Variants in FAM168A observed in about 807,000 individuals in gnomAD.
The protein encoded by FAM168A is family with sequence similarity 168 member A, also known as protein FAM168A.
Under a neutral mutation model 28.5 loss-of-function variants are expected in FAM168A, and 3 were observed. That is an observed-to-expected ratio of 0.11 (90% CI 0.05 to 0.27). The LOEUF (loss-of-function observed/expected upper bound fraction) is 0.27, where lower values mean the gene tolerates loss of function less well. Ranked by LOEUF, FAM168A falls within the 10% of genes least tolerant of loss-of-function variation. The pLI, the probability that FAM168A is intolerant of heterozygous loss-of-function variation, is 1.00. For synonymous variants in FAM168A, 122 were observed against 124.2 expected (o/e 0.98, Z 0.12); for missense variants, 222 against 311.5 (o/e 0.71, Z 2.16).
At chr11:73,579,463 C>G (rs1944218301) in intron 1 of FAM168A, among the ~76,000 whole-genome samples, 1 of 152,076 alleles carries the variant, frequency 6.6e-6, no homozygotes, top group Non-Finnish European at 1.5e-5. Context: ...GAAGGTCACA[C>G]TGCAAGGAAG....
chr11:73,530,304 G>C (rs1943501316), intron 1 of FAM168A, among the ~76,000 whole-genome samples: 1 of 152,098 alleles, frequency 6.6e-6, no homozygotes, highest in Non-Finnish European at 1.5e-5. Flanking sequence ...ACTAACCTAG[G>C]CTGACTACAT....
At chr11:73,468,282 C>G in intron 2 of FAM168A, 123 bp downstream of exon 2, 1 of 803,872 alleles carries the variant, frequency 1.2e-6, no homozygotes, top group Non-Finnish European at 2.0e-6. Context: ...TCAGACATAT[C>G]TTCTGCATGT....
intron 1 of FAM168A, among the ~76,000 whole-genome samples, chr11:73,569,420 T>C (rs1453157615): frequency 6.6e-6 from 1 of 152,170 alleles, no homozygotes; most frequent in East Asian, 1.9e-4. Context: ...CTCGTTGGAT[T>C]TGAGAAAGAA....
intron 2 of FAM168A, among the ~76,000 whole-genome samples, chr11:73,463,333 G>C (rs555599925): frequency 6.6e-6 from 1 of 152,216 alleles, no homozygotes; most frequent in African/African-American, 2.4e-5. Flanking sequence ...GGCTTTAGAA[G>C]GCAAAAGAGG....
chr11:73,489,851 A>G (rs1359775606), intron 1 of FAM168A, among the ~76,000 whole-genome samples: 3 of 152,230 alleles, frequency 2.0e-5, no homozygotes, highest in East Asian at 3.9e-4. Context: ...GCTTTTGGAC[A>G]CTATACTCAC....
chr11:73,567,941 A>T (rs1191979165), intron 1 of FAM168A, among the ~76,000 whole-genome samples: 2 of 152,194 alleles, frequency 1.3e-5, no homozygotes, highest in Non-Finnish European at 2.9e-5. Flanking sequence ...GTTTTATAAG[A>T]GATAAATGTC....
intron 1 of FAM168A, among the ~76,000 whole-genome samples, chr11:73,548,287 T>C (rs1415375454): frequency 3.9e-5 from 6 of 152,110 alleles, no homozygotes; most frequent in Non-Finnish European, 8.8e-5. Flanking sequence ...TGGGTATACA[T>C]GGTAGTATGA....
chr11:73,581,997 AT>A (rs1453904407), intron 1 of FAM168A, among the ~76,000 whole-genome samples: 1 of 151,672 alleles, frequency 6.6e-6, no homozygotes, highest in Non-Finnish European at 1.5e-5. Flanking sequence ...GATTACAGGC[AT>A]GAGCCACCGC....
chr11:73,521,709 G>A (rs1386212568), intron 1 of FAM168A, among the ~76,000 whole-genome samples: 1 of 152,150 alleles, frequency 6.6e-6, no homozygotes. Flanking sequence ...CAACGGGGAA[G>A]GGGACAATCT....
At chr11:73,473,389 A>G (rs76647471) in intron 1 of FAM168A, among the ~76,000 whole-genome samples, 2,414 of 152,212 alleles carry the variant, frequency 0.016, 61 homozygotes, top group African/African-American at 0.056. Flanking sequence ...GTTCAACTCA[A>G]GAGCCTAAGT....
intron 3 of FAM168A, among the ~76,000 whole-genome samples, chr11:73,427,085 G>A (rs531257080): frequency 1.4e-4 from 22 of 152,100 alleles, no homozygotes; most frequent in Admixed American, 1.1e-3. Context: ...TCCGCCTCCC[G>A]GGTTCAAGCA....
intron 1 of FAM168A, among the ~76,000 whole-genome samples, chr11:73,501,416 T>C (rs1855008367): frequency 6.6e-6 from 1 of 152,210 alleles, no homozygotes; most frequent in African/African-American, 2.4e-5. Flanking sequence ...ATGGCACTTA[T>C]TCTAAAATCA....
chr11:73,455,204 C>A (rs899253913), intron 2 of FAM168A, among the ~76,000 whole-genome samples: 2 of 152,230 alleles, frequency 1.3e-5, no homozygotes, highest in Admixed American at 1.3e-4. Context: ...CGGCTGGATC[C>A]TGTACTCACT....
At chr11:73,456,236 C>T (rs1867529389) in intron 2 of FAM168A, among the ~76,000 whole-genome samples, 2 of 152,160 alleles carry the variant, frequency 1.3e-5, no homozygotes, top group Admixed American at 1.3e-4. Context: ...TGATGCAAAA[C>T]CTTAAATAAA....
rs1024783282 is a variant in FAM168A at position 73,538,332 on chromosome 11, A to C, written c.-19+59591T>G. Among the ~76,000 whole-genome samples, 25 of 148,504 alleles carry C rather than the reference A, an allele frequency of 1.7e-4. 1 individual carries two copies. The highest frequency in any genetic ancestry group is 1.5e-5 in the Non-Finnish European group (1 of 67,164). ...CTTGGACAATGGATGCAGGTTCCAA[A>C]ACAAAAAACAAAAAAAAAAAAGAGA... On this transcript the variant is annotated intron_variant, in intron 1 of 7. Coordinates refer to ENST00000356467, the MANE Select transcript of FAM168A (RefSeq NM_015159.3).
intron 2 of FAM168A, among the ~76,000 whole-genome samples, chr11:73,442,728 A>G (rs994950323): frequency 2.6e-5 from 4 of 151,636 alleles, no homozygotes; most frequent in South Asian, 2.1e-4. Context: ...AGATTGTTCC[A>G]TGTATTCTTG....
chr11:73,478,156 CA>C (rs1306910363), intron 1 of FAM168A, among the ~76,000 whole-genome samples: 1 of 152,144 alleles, frequency 6.6e-6, no homozygotes, highest in Non-Finnish European at 1.5e-5. Flanking sequence ...TACTGAATTA[CA>C]TTAGTTTGCA....
At chr11:73,561,520 T>C (rs1435941643) in intron 1 of FAM168A, among the ~76,000 whole-genome samples, 3 of 152,092 alleles carry the variant, frequency 2.0e-5, no homozygotes, top group Admixed American at 6.6e-5. Flanking sequence ...CTTTTTTAGG[T>C]TATTTTATTA....
intron 2 of FAM168A, among the ~76,000 whole-genome samples, chr11:73,460,885 A>G (rs1228383416): frequency 6.6e-6 from 1 of 152,234 alleles, no homozygotes; most frequent in Non-Finnish European, 1.5e-5. Flanking sequence ...ATGACCGAAG[A>G]TAAGAGAGTT....
Sources: allele counts gnomAD v4.1 joint callset (sites outside exome capture counted in the v4.1 genomes callset), GRCh38; gene constraint gnomAD v4.1.1; transcripts MANE v1.5; gene names NCBI Gene and HGNC (gene_info 2026-07-23, HGNC 2026-07-21).